The following AK6 variants were observed in gnomAD, a reference collection of about 807,000 sequenced individuals.
The protein encoded by AK6 is adenylate kinase isoenzyme 6.
A neutral mutation model predicts 23.7 loss-of-function variants in AK6; 24 were observed. That is an observed-to-expected ratio of 1.01 (90% CI 0.73 to 1.43). The LOEUF is 1.43. Ranked by LOEUF, AK6 falls within the 40% of genes most tolerant of loss-of-function variation. The probability of loss-of-function intolerance (pLI) is 0.00; values close to 1 mark genes in which losing one functional copy is unlikely to be tolerated. For missense variants in AK6, 191 were observed against 199.1 expected (o/e 0.96, Z 0.24); for synonymous variants, 73 against 69.8 (o/e 1.05, Z -0.23).
intron 2 of AK6, among the ~76,000 whole-genome samples, chr5:69,366,176 G>A (rs368375559): frequency 8.9e-4 from 136 of 152,244 alleles, no homozygotes; most frequent in African/African-American, 3.2e-3. Context: ...TCATATATAT[G>A]TTTAGCAGTA....
Position 69,369,242 on chromosome 5 carries a change from C to CCCCCCCCCCCCCCCCCCCCA in AK6, c.28+220_28+221insTGGGGGGGGGGGGGGGGGGG. On this transcript the variant is annotated intron_variant, in intron 1 of 4. Transcript: ENST00000380822. ...CCTCTCTCCACCCCCCCCCGCCCCC[C>CCCCCCCCCCCCCCCCCCCCA]CCCGGAGCCTCAGGCCAACGGAATT... is the stretch of plus-strand genomic sequence containing the variant. 2 of 252,652 alleles carry CCCCCCCCCCCCCCCCCCCCA rather than the reference C, an allele frequency of 7.9e-6. 1 individual carries two copies. Among genetic ancestry groups the CCCCCCCCCCCCCCCCCCCCA allele is most frequent in the Non-Finnish European group, 1.5e-5 (2 of 134,454 alleles). 15.7% of individuals were successfully genotyped at this position (252,652 alleles called of 1,614,324 possible). A position where few individuals can be genotyped will look rare whatever the true frequency, so the allele number is the denominator to read the frequency against.
At position 69,355,636 on chromosome 5, in the gene AK6, T is replaced by C. The variant is rs1368217964; in HGVS notation, c.326+13A>G. ...CATTATGCTTTAAGAATCTAATGTTTTTCCTTTCTTACCTTGTTTCAAGTC... is the reference window on the plus strand; with the variant it reads ...CATTATGCTTTAAGAATCTAATGTTCTTCCTTTCTTACCTTGTTTCAAGTC... On this transcript the variant is annotated intron_variant, in intron 4 of 4. Transcript: ENST00000380822. 7 of 1,579,198 alleles carry C rather than the reference T, an allele frequency of 4.4e-6. No homozygotes were observed. Among genetic ancestry groups the C allele is most frequent in the Non-Finnish European group, 6.0e-6 (7 of 1,166,470 alleles).
chr5:69,364,355 T>G (rs1017093667), intron 2 of AK6, among the ~76,000 whole-genome samples: 1 of 152,092 alleles, frequency 6.6e-6, no homozygotes, highest in East Asian at 1.9e-4. Flanking sequence ...TATAAATTTT[T>G]TTTTAAAAAG....
Position 69,352,021 on chromosome 5 carries a change from A to G in AK6, c.*40T>C. ...AACAATTTCTATGATGTCGGCAGAG[A>G]TATCAACAAGAGTGATTATTAAGTA... On this transcript the variant is annotated 3_prime_UTR_variant, in exon 5 of 5. Coordinates refer to ENST00000380822, the MANE Select transcript of AK6 (RefSeq NM_016283.5). 6.6e-7 allele frequency: 1 copy of G among 1,519,418 alleles called. No homozygotes were observed. 94.1% of individuals were successfully genotyped at this position (1,519,418 alleles called of 1,614,324 possible).
At chr5:69,364,443 A>T (rs1762331859) in intron 2 of AK6, among the ~76,000 whole-genome samples, 1 of 152,204 alleles carries the variant, frequency 6.6e-6, no homozygotes, top group South Asian at 2.1e-4. Flanking sequence ...AAGTTGGGCA[A>T]TTGAGGAAGA....
chr5:69,355,586 T>G, intron 4 of AK6, 63 bp downstream of exon 4: 1 of 1,481,822 alleles, frequency 6.7e-7, no homozygotes. Flanking sequence ...TCATGGCCAA[T>G]TTCAGAAATC....
In AK6 at chr5:69,352,034, T is replaced by C. The variant is rs771942897; in HGVS notation, c.*27A>G. The C allele has an allele frequency of 1.9e-6, 3 of 1,561,852 alleles. No individual in the cohort carries two copies. Among genetic ancestry groups the C allele is most frequent in the Non-Finnish European group, 2.6e-6 (3 of 1,152,842 alleles). On this transcript the variant is annotated 3_prime_UTR_variant, in exon 5 of 5. Coordinates refer to ENST00000380822, the MANE Select transcript of AK6 (RefSeq NM_016283.5). The stretch of plus-strand genomic sequence containing the variant: ...ATGTCGGCAGAGATATCAACAAGAG[T>C]GATTATTAAGTAGCTAGCCTTATAA...
intron 2 of AK6, chr5:69,365,570 A>C: frequency 1.2e-6 from 2 of 1,614,070 alleles, no homozygotes; most frequent in Non-Finnish European, 1.7e-6. Flanking sequence ...GGCTTGAATA[A>C]ATTTTTGCAT....
At position 69,355,774 on chromosome 5, in the gene AK6, G is replaced by C; in HGVS notation, c.201C>G (p.Asn67Lys). ...DEDRVVDELD[N>K]QMREGGVIVD... ...CAATAACTCCACCTTCTCTCATTTG[G>C]TTATCTAACTCATCAACTACCTGTA... Residue 67 changes from asparagine (N) to lysine (K), a missense_variant, in exon 4 of 5, where the codon AAC becomes AAG. Transcript: ENST00000380822. 6.2e-7 allele frequency: 1 copy of C among 1,609,696 alleles called. No individual in the cohort carries two copies. The highest frequency in any genetic ancestry group is 1.3e-5 in the African/African-American group (1 of 74,802).
At chr5:69,358,294 G>A (rs1762133861) in intron 2 of AK6, among the ~76,000 whole-genome samples, 1 of 152,062 alleles carries the variant, frequency 6.6e-6, no homozygotes, top group African/African-American at 2.4e-5. Flanking sequence ...AGGCCGAGGT[G>A]GTTGATCACC....
chr5:69,367,041 G>C (rs1164014153), intron 1 of AK6, among the ~76,000 whole-genome samples: 2 of 152,000 alleles, frequency 1.3e-5, no homozygotes, highest in East Asian at 3.9e-4. Context: ...TTACAGGCGT[G>C]AGCCACCATG....
At chr5:69,356,268 C>T (rs1226704882) in intron 2 of AK6, among the ~76,000 whole-genome samples, 1 of 152,178 alleles carries the variant, frequency 6.6e-6, no homozygotes, top group Admixed American at 6.5e-5. Context: ...GAGGACTACA[C>T]TATTTTTGTT....
At chr5:69,365,430 G>C in intron 2 of AK6, 2 of 1,614,202 alleles carry the variant, frequency 1.2e-6, no homozygotes, top group South Asian at 1.1e-5. Flanking sequence ...CAATGGCAAA[G>C]GGGTTTGATT....
intron 4 of AK6, among the ~76,000 whole-genome samples, chr5:69,355,139 G>A (rs1762049934): frequency 6.6e-6 from 1 of 152,048 alleles, no homozygotes; most frequent in African/African-American, 2.4e-5. Context: ...GACTAAATTG[G>A]GTTTCTACAC....
upstream of AK6, chr5:69,369,799 G>GT: frequency 1.5e-6 from 2 of 1,298,320 alleles, no homozygotes; most frequent in South Asian, 2.7e-5. Flanking sequence ...CGACCAGTCT[G>GT]GAAGGTCCCC....
intron 4 of AK6, chr5:69,355,418 T>C (rs1358156633): frequency 1.1e-5 from 5 of 447,266 alleles, no homozygotes; most frequent in African/African-American, 2.0e-5. Context: ...CCGTGGTCTG[T>C]TAGTCAGGAG....
At chr5:69,366,793 T>A (rs1160248573) in intron 1 of AK6, 198 bp from the exon 2 acceptor site, 1 of 559,036 alleles carries the variant, frequency 1.8e-6, no homozygotes, top group Non-Finnish European at 3.2e-6. Flanking sequence ...AGTTTCACTC[T>A]TGTCGCCCAG....
intron 4 of AK6, among the ~76,000 whole-genome samples, chr5:69,355,171 T>A (rs538905531): frequency 6.6e-6 from 1 of 152,180 alleles, no homozygotes; most frequent in Non-Finnish European, 1.5e-5. Flanking sequence ...CTCAATCAGA[T>A]TGTCAGTTGA....
intron 1 of AK6, among the ~76,000 whole-genome samples, chr5:69,368,140 T>C (rs1162844224): frequency 6.6e-6 from 1 of 152,220 alleles, no homozygotes; most frequent in Non-Finnish European, 1.5e-5. Flanking sequence ...AAACCCTATT[T>C]ATGTTTGCAT....
Sources: gnomAD v4.1 joint callset for allele counts (sites outside exome capture counted in the v4.1 genomes callset) on GRCh38, gnomAD v4.1.1 for gene constraint, MANE v1.5 for transcripts, NCBI Gene and HGNC (gene_info 2026-07-23, HGNC 2026-07-21) for gene names.